Variants in WIPI2 observed in about 807,000 individuals in gnomAD.
WIPI2 encodes the protein WD repeat domain phosphoinositide-interacting protein 2.
WIPI2 carries 28 observed loss-of-function variants against 52.3 expected under a neutral mutation model. The observed-to-expected ratio is 0.54, with a 90% CI of 0.40 to 0.73. The LOEUF (loss-of-function observed/expected upper bound fraction) is 0.73. Among genes scored for constraint, WIPI2 ranks in the 30% least tolerant of loss-of-function variants. The probability of loss-of-function intolerance (pLI) is 0.00; values close to 1 mark genes in which losing one functional copy is unlikely to be tolerated. For synonymous variants in WIPI2, 268 were observed against 245.0 expected (o/e 1.09, Z -0.88); for missense variants, 506 against 602.9 (o/e 0.84, Z 1.68).
At position 5,227,171 on chromosome 7, in the gene WIPI2, T is replaced by C. The variant is rs1207930230; in HGVS notation, c.849-9T>C. The C allele has an allele frequency of 1.2e-6, 2 of 1,613,538 alleles. No homozygotes were observed. Among genetic ancestry groups the C allele is most frequent in the Non-Finnish European group, 1.7e-6 (2 of 1,179,964 alleles). On this transcript the variant is annotated splice_polypyrimidine_tract_variant and intron_variant, in intron 9 of 12. Coordinates refer to ENST00000288828, the MANE Select transcript of WIPI2 (RefSeq NM_015610.4). This position sits in a 1 kb window ranked among gnomAD's most constrained non-coding sequence, Gnocchi z 8.1. ...GCAGCTTCATGTGTCTGGTGGCCTTTCCTTCCAGACCCCCAGAGGAGCCCA... is the reference window on the plus strand; with the variant it reads ...GCAGCTTCATGTGTCTGGTGGCCTTCCCTTCCAGACCCCCAGAGGAGCCCA...
intron 5 of WIPI2, 128 bp from the exon 6 acceptor site, chr7:5,216,962 A>G: frequency 9.6e-7 from 1 of 1,037,520 alleles, no homozygotes; most frequent in East Asian, 2.6e-5. Flanking sequence ...TAACACAGCA[A>G]ACAAGATTGT....
chr7:5,216,523 C>G, intron 4 of WIPI2, 40 bp from the exon 5 acceptor site: 3 of 1,557,100 alleles, frequency 1.9e-6, no homozygotes, highest in Non-Finnish European at 2.7e-6. Context: ...ATTGCACTGG[C>G]CGTTGCTTCA....
intron 3 of WIPI2, among the ~76,000 whole-genome samples, chr7:5,204,866 G>T (rs942096668): frequency 6.6e-6 from 1 of 152,120 alleles, no homozygotes; most frequent in Non-Finnish European, 1.5e-5. Flanking sequence ...TTAAGAGTTG[G>T]GGTCTCACTG....
chr7:5,210,740 G>C (rs1366923345), intron 3 of WIPI2, among the ~76,000 whole-genome samples: 1 of 152,202 alleles, frequency 6.6e-6, no homozygotes, highest in Non-Finnish European at 1.5e-5. Context: ...GTAAGTCTCT[G>C]GGACGCTGGA....
intron 3 of WIPI2, among the ~76,000 whole-genome samples, chr7:5,205,037 G>A (rs188425535): frequency 6.6e-6 from 1 of 151,060 alleles, no homozygotes; most frequent in Admixed American, 6.6e-5. Context: ...GTGCAGTGGT[G>A]AGATCTCGGC....
intron 2 of WIPI2, among the ~76,000 whole-genome samples, chr7:5,196,861 C>T (rs1562384303): frequency 1.3e-5 from 2 of 151,994 alleles, no homozygotes; most frequent in African/African-American, 2.4e-5. Flanking sequence ...CCTGTAATCC[C>T]AGCACTTTGG....
chr7:5,215,115 A>T (rs1013509510), intron 4 of WIPI2, among the ~76,000 whole-genome samples: 4 of 152,342 alleles, frequency 2.6e-5, no homozygotes, highest in Admixed American at 2.6e-4. Flanking sequence ...ATTTGAGATC[A>T]GCCTGGCCAA....
intron 3 of WIPI2, among the ~76,000 whole-genome samples, chr7:5,201,082 G>A (rs566307296): frequency 3.1e-4 from 47 of 152,352 alleles, no homozygotes; most frequent in Non-Finnish European, 4.4e-4. Context: ...CCCAGGCGCC[G>A]CCCGCCTTCC....
At chr7:5,197,780 T>G (rs1455046886) in intron 2 of WIPI2, among the ~76,000 whole-genome samples, 1 of 152,224 alleles carries the variant, frequency 6.6e-6, no homozygotes, top group Non-Finnish European at 1.5e-5. Context: ...ATGTGCCCCT[T>G]CCCTGTTTCA....
intron 3 of WIPI2, among the ~76,000 whole-genome samples, chr7:5,201,504 A>C (rs1162642531): frequency 6.6e-6 from 1 of 152,196 alleles, no homozygotes; most frequent in Non-Finnish European, 1.5e-5. Context: ...AGCACTTTGT[A>C]AGGCCAGGAC....
Position 5,203,932 on chromosome 7 carries a change from C to T in WIPI2, c.211+4274C>T, listed in dbSNP as rs181330849. On this transcript the variant is annotated intron_variant, in intron 3 of 12. Transcript: ENST00000288828. The stretch of plus-strand genomic sequence containing the variant: ...GCCACCACACCCTGCCACGTTCAGT[C>T]TTTCTTAGTGTCAGCGTGAGTGCCT... Among the ~76,000 whole-genome samples the T allele has an allele frequency of 3.7e-4, 56 of 152,284 alleles. 1 individual carries two copies. The highest frequency in any genetic ancestry group is 3.4e-3 in the Middle Eastern group (1 of 294).
chr7:5,229,205 C>A (rs942469018), intron 11 of WIPI2, among the ~76,000 whole-genome samples: 1 of 151,986 alleles, frequency 6.6e-6, no homozygotes, highest in Non-Finnish European at 1.5e-5. Context: ...TTAGTAGAGA[C>A]GGGGTTTCAC....
At chr7:5,212,603 C>G (rs977614619) in intron 3 of WIPI2, among the ~76,000 whole-genome samples, 1 of 152,088 alleles carries the variant, frequency 6.6e-6, no homozygotes, top group Admixed American at 6.5e-5. Context: ...ACGTGATCAC[C>G]GCTCATTGCA....
chr7:5,198,032 G>T (rs1781835377), intron 2 of WIPI2, among the ~76,000 whole-genome samples: 1 of 152,224 alleles, frequency 6.6e-6, no homozygotes, highest in South Asian at 2.1e-4. Flanking sequence ...CTGAGCTGTG[G>T]GCTCCTTGAG....
At chr7:5,200,226 T>C (rs753088761) in intron 3 of WIPI2, among the ~76,000 whole-genome samples, 3 of 152,206 alleles carry the variant, frequency 2.0e-5, no homozygotes, top group Non-Finnish European at 2.9e-5. Context: ...TCTGTAAGAT[T>C]ATTGCCAGGA....
chr7:5,196,327 C>T lies in WIPI2; in HGVS notation c.128+3156C>T, dbSNP rs561311691. 3.9e-5 allele frequency among the ~76,000 whole-genome samples: 6 copies of T among 151,928 alleles called. No homozygotes were observed. The South Asian group carries it at 1.0e-3, about 26-fold the overall frequency. ...TTGTGCCATTGCACTCCAGCCTGGG[C>T]GACAGAGCAAAACTCCATCTAAAAA... On this transcript the variant is annotated intron_variant, in intron 2 of 12. Transcript: ENST00000288828.
intron 2 of WIPI2, chr7:5,193,434 G>A (rs1781574706): frequency 1.1e-5 from 11 of 1,016,068 alleles, no homozygotes; most frequent in Non-Finnish European, 1.5e-5. Flanking sequence ...TCTTGTGTTT[G>A]TAGAATTGAT....
intron 3 of WIPI2, 40 bp from the exon 4 acceptor site, chr7:5,214,495 G>A (rs549393234): frequency 3.1e-6 from 5 of 1,614,192 alleles, no homozygotes; most frequent in East Asian, 2.2e-5. Context: ...CCATAGCCAT[G>A]TGGAGATGTT....
At chr7:5,224,856 C>G (rs138546779) in intron 8 of WIPI2, among the ~76,000 whole-genome samples, 215 of 152,312 alleles carry the variant, frequency 1.4e-3, no homozygotes, top group Non-Finnish European at 2.1e-3. Flanking sequence ...AAAGCTAGAT[C>G]TCGTTCACCG....
Sources: gnomAD v4.1 joint callset for allele counts (sites outside exome capture counted in the v4.1 genomes callset) on GRCh38, gnomAD v4.1.1 for gene constraint, Gnocchi (gnomAD v3.1) non-coding constraint, MANE v1.5 for transcripts, NCBI Gene and HGNC (gene_info 2026-07-23, HGNC 2026-07-21) for gene names.